Variants in DACT3 observed in about 807,000 individuals in gnomAD.
The protein encoded by DACT3 is dishevelled binding antagonist of beta catenin 3.
DACT3 carries 5 observed loss-of-function variants against 19.6 expected under a neutral mutation model. The observed-to-expected ratio is 0.26, with a 90% CI of 0.13 to 0.54. The LOEUF (loss-of-function observed/expected upper bound fraction) is 0.54. Among genes scored for constraint, DACT3 ranks in the 20% least tolerant of loss-of-function variants. The pLI is 0.95. For synonymous variants in DACT3, 454 were observed against 428.1 expected (o/e 1.06, Z -0.75); for missense variants, 908 against 927.4 (o/e 0.98, Z 0.27).
rs977579591 is a variant in DACT3, at chr19:46,648,204, T to A, written c.*278A>T. On this transcript the variant is annotated 3_prime_UTR_variant, in exon 4 of 4. Coordinates refer to ENST00000391916, the MANE Select transcript of DACT3 (RefSeq NM_145056.3). This position sits in a 1 kb window ranked among gnomAD's most constrained non-coding sequence, Gnocchi z 5.1. The stretch of plus-strand genomic sequence containing the variant: ...CCCTTTTGCATACATGGACACTTAC[T>A]GTACAGATGAGGAAAGTGACGCCCA... 1.9e-6 allele frequency: 1 copy of A among 512,954 alleles called. No individual in the cohort carries two copies. The highest frequency in any genetic ancestry group is 3.5e-6 in the Non-Finnish European group (1 of 286,278). The allele number at this position is 512,954 out of a possible 1,614,324, so 31.8% of individuals were successfully genotyped here.
chr19:46,649,698 G>T lies in DACT3; in HGVS notation c.674C>A (p.Ala225Glu), dbSNP rs2052962605. The change falls in exon 4 of 4, where the codon GCG (alanine) becomes GAG (glutamate). Residue 225 changes from alanine to glutamate, a missense_variant. Ala to Glu is a moderately radical substitution (Grantham distance 107, BLOSUM62 -1). Around this residue, in one of 2 missense-constraint regions of DACT3, gnomAD observed 252 missense variants for 325.6 expected, o/e 0.77. Coordinates refer to ENST00000391916, the MANE Select transcript of DACT3 (RefSeq NM_145056.3). ...FLTPSPLHAV[A>E]MRSPRPCGRP... ...GCCGCAGGGCCGCGGGCTGCGCATC[G>T]CCACGGCGTGCAGGGGGCTGGGCGT... 37 of 1,197,848 alleles carry T rather than the reference G, an allele frequency of 3.1e-5. No homozygotes were observed. Among genetic ancestry groups the T allele is most frequent in the Non-Finnish European group, 3.8e-5 (37 of 967,242 alleles). The allele number at this position is 1,197,848 out of a possible 1,614,324, so 74.2% of individuals were successfully genotyped here.
intron 1 of DACT3, chr19:46,659,135 C>T: frequency 1.0e-6 from 1 of 985,184 alleles, no homozygotes; most frequent in Non-Finnish European, 1.2e-6. Flanking sequence ...CAGGAACCCC[C>T]AGCACTAGAG....
chr19:46,657,891 A>C (rs1422269045), intron 1 of DACT3, among the ~76,000 whole-genome samples: 1 of 152,028 alleles, frequency 6.6e-6, no homozygotes, highest in Non-Finnish European at 1.5e-5. Flanking sequence ...ATCTCTACTA[A>C]AAATACAAAA....
At chr19:46,654,461 A>G in intron 1 of DACT3, 4 of 877,506 alleles carry the variant, frequency 4.6e-6, no homozygotes, top group Non-Finnish European at 5.5e-6. Context: ...ACTCCAGCCT[A>G]AGCAACACAG....
At chr19:46,653,833 C>T (rs945394383) in intron 1 of DACT3, among the ~76,000 whole-genome samples, 1 of 152,146 alleles carries the variant, frequency 6.6e-6, no homozygotes, top group Admixed American at 6.5e-5. Flanking sequence ...GGATTACAGG[C>T]ATGAGCCACT....
chr19:46,659,429 T>C (rs1352821435), intron 1 of DACT3: 1 of 983,114 alleles, frequency 1.0e-6, no homozygotes, highest in Non-Finnish European at 1.2e-6. Flanking sequence ...CCCAACCTCA[T>C]GCCTCGCATT....
intron 3 of DACT3, chr19:46,651,091 A>T (rs569014013): frequency 2.2e-4 from 33 of 148,700 alleles, no homozygotes; most frequent in African/African-American, 8.0e-4. Flanking sequence ...TTATTTATTT[A>T]TTTATTTTTT....
chr19:46,648,760 C>T lies in DACT3; in HGVS notation c.1612G>A (p.Ala538Thr). The change falls in exon 4 of 4, where the codon GCG (alanine) becomes ACG (threonine). Residue 538 changes from alanine (A) to threonine (T), a missense_variant. Coordinates refer to ENST00000391916, the MANE Select transcript of DACT3 (RefSeq NM_145056.3). This position sits in a 1 kb window ranked among gnomAD's most constrained non-coding sequence, Gnocchi z 5.1. ...RLGPLGRRGP[A>T]GGVGGGYGES... ...CCGTAACCCCCGCCGACGCCTCCCG[C>T]AGGCCCCCGGCGTCCCAGGGGCCCC... The T allele has an allele frequency of 6.4e-7, 1 of 1,567,708 alleles. No individual in the cohort carries two copies. Among genetic ancestry groups the T allele is most frequent in the Non-Finnish European group, 8.6e-7 (1 of 1,163,298 alleles).
At chr19:46,655,946 TAC>T (rs1568698971) in intron 1 of DACT3, among the ~76,000 whole-genome samples, 1 of 138,264 alleles carries the variant, frequency 7.2e-6, no homozygotes, top group South Asian at 2.3e-4. Context: ...TATATATATA[TAC>T]ACAAACACAC....
In DACT3 at chr19:46,649,550, G is replaced by A. The variant is rs1324489494; in HGVS notation, c.822C>T (p.Gly274=). 1 of 1,044,858 alleles carries A rather than the reference G, an allele frequency of 9.6e-7. No homozygotes were observed. Among genetic ancestry groups the A allele is most frequent in the Non-Finnish European group, 1.1e-6 (1 of 871,356 alleles). 64.7% of individuals were successfully genotyped at this position (1,044,858 alleles called of 1,614,324 possible). A position where few individuals can be genotyped will look rare whatever the true frequency, so the allele number is the denominator to read the frequency against. Residue 274 remains glycine (G), a synonymous_variant, in exon 4 of 4, where the codon GGC becomes GGT. Coordinates refer to ENST00000391916, the MANE Select transcript of DACT3 (RefSeq NM_145056.3). Reference sequence around the variant, plus strand: ...TCTGGCGCCGCGGGCCGCCGTCCGCGCCCCCGGGACTGGTCCGGGGCTGGC... The same window carrying A: ...TCTGGCGCCGCGGGCCGCCGTCCGCACCCCCGGGACTGGTCCGGGGCTGGC... ...GAGQPRTSPG[G]ADGGPRRQNS... is the part of the protein sequence containing the mutation.
Position 46,649,192 on chromosome 19 carries a change from G to A in DACT3, c.1180C>T (p.Arg394Trp), listed in dbSNP as rs2052952745. The A allele has an allele frequency of 2.5e-6, 3 of 1,205,822 alleles. No individual in the cohort carries two copies. The highest frequency in any genetic ancestry group is 4.5e-5 in the Admixed American group (1 of 22,054). The allele number at this position is 1,205,822 out of a possible 1,614,324, so 74.7% of individuals were successfully genotyped here. A position where few individuals can be genotyped will look rare whatever the true frequency, so the allele number is the denominator to read the frequency against. ...CGGCCGGCGGCCCGGGGACGCTCCCGGGGTGGTGACTGCTCCACGCTGCGG... is the reference window on the plus strand; with the variant it reads ...CGGCCGGCGGCCCGGGGACGCTCCCAGGGTGGTGACTGCTCCACGCTGCGG... ...RGRSVEQSPPRERPRAAGRRG... is the reference protein window; with the variant it reads ...RGRSVEQSPPWERPRAAGRRG... Residue 394 changes from arginine to tryptophan, a missense_variant, in exon 4 of 4, where the codon CGG (arginine) becomes TGG (tryptophan). This residue lies in a region of DACT3 where 656 missense variants were observed against 601.8 expected (regional missense o/e 1.09). Coordinates refer to ENST00000391916, the MANE Select transcript of DACT3 (RefSeq NM_145056.3).
chr19:46,660,722 C>T lies in DACT3; in HGVS notation c.249+94G>A. ...TGTCCTTTCTCACTCCCTGCCTACC[C>T]GGGTCCCCAACCCCCGCCCGGTGTC... On this transcript the variant is annotated intron_variant, in intron 1 of 3. Coordinates refer to ENST00000391916, the MANE Select transcript of DACT3 (RefSeq NM_145056.3). The surrounding 1 kb of genome is among the most constrained non-coding windows in gnomAD (Gnocchi z 4.9). The T allele has an allele frequency of 1.4e-6, 2 of 1,400,130 alleles. No individual in the cohort carries two copies. Among genetic ancestry groups the T allele is most frequent in the Non-Finnish European group, 1.8e-6 (2 of 1,082,292 alleles). 86.7% of individuals were successfully genotyped at this position (1,400,130 alleles called of 1,614,324 possible).
At chr19:46,653,885 C>T (rs943715945) in intron 1 of DACT3, among the ~76,000 whole-genome samples, 4 of 152,110 alleles carry the variant, frequency 2.6e-5, no homozygotes, top group African/African-American at 9.7e-5. Context: ...TTCTCAGATA[C>T]GCCCATTGCC....
At chr19:46,654,041 C>T in intron 1 of DACT3, 2 of 985,402 alleles carry the variant, frequency 2.0e-6, no homozygotes, top group Non-Finnish European at 2.4e-6. Context: ...TCCCAAGCCT[C>T]CTAGACAGTC....
In DACT3 at chr19:46,649,712, G is replaced by A. The variant is rs376042433; in HGVS notation, c.660C>T (p.Pro220=). 564 of 1,216,840 alleles carry A rather than the reference G, an allele frequency of 4.6e-4. 15 individuals carry two copies. In the South Asian group the frequency reaches 0.018, roughly 38 times the overall value. The allele number at this position is 1,216,840 out of a possible 1,614,324, so 75.4% of individuals were successfully genotyped here. A position where few individuals can be genotyped will look rare whatever the true frequency, so the allele number is the denominator to read the frequency against. ...ARAGPFLTPS[P]LHAVAMRSPR... ...GGCTGCGCATCGCCACGGCGTGCAG[G>A]GGGCTGGGCGTCAGAAAGGGCCCGG... Residue 220 remains proline, a synonymous_variant, in exon 4 of 4, where the codon CCC becomes CCT. Transcript: ENST00000391916.
In DACT3 at chr19:46,649,704, G is replaced by A; in HGVS notation, c.668C>T (p.Ala223Val). 2 of 1,203,194 alleles carry A rather than the reference G, an allele frequency of 1.7e-6. No individual in the cohort carries two copies. The highest frequency in any genetic ancestry group is 7.9e-5 in the South Asian group (2 of 25,288). 74.5% of individuals were successfully genotyped at this position (1,203,194 alleles called of 1,614,324 possible). A position where few individuals can be genotyped will look rare whatever the true frequency, so the allele number is the denominator to read the frequency against. Residue 223 changes from alanine (A) to valine (V), a missense_variant, in exon 4 of 4, where the codon GCC (alanine) becomes GTC (valine). Physicochemically the swap from Ala to Val is moderately conservative, Grantham distance 64. Around this residue, in one of 2 missense-constraint regions of DACT3, gnomAD observed 252 missense variants for 325.6 expected, o/e 0.77. Coordinates refer to ENST00000391916, the MANE Select transcript of DACT3 (RefSeq NM_145056.3). Reference sequence around the variant, plus strand: ...GGGCCGCGGGCTGCGCATCGCCACGGCGTGCAGGGGGCTGGGCGTCAGAAA... The same window carrying A: ...GGGCCGCGGGCTGCGCATCGCCACGACGTGCAGGGGGCTGGGCGTCAGAAA... ...GPFLTPSPLH[A>V]VAMRSPRPCG...
rs375074031 is a variant in DACT3, at chr19:46,649,888, C to CA, written c.500-17dup. 4.6e-3 allele frequency: 5,782 copies of CA among 1,252,548 alleles called. 2 individuals are homozygous for CA. The highest frequency in any genetic ancestry group is 0.011 in the East Asian group (315 of 29,204). 77.6% of individuals were successfully genotyped at this position (1,252,548 alleles called of 1,614,324 possible). ...CTGGCGTCTCCTAGGGAAGGAAGGC[C>CA]AAAAAAAAAAAAAAAAGAGAGAGTG... On this transcript the variant is annotated splice_polypyrimidine_tract_variant and intron_variant, in intron 3 of 3. Transcript: ENST00000391916.
chr19:46,648,862 G>A lies in DACT3; in HGVS notation c.1510C>T (p.Pro504Ser). 3 of 1,427,202 alleles carry A rather than the reference G, an allele frequency of 2.1e-6. No individual in the cohort carries two copies. Among genetic ancestry groups the A allele is most frequent in the Non-Finnish European group, 2.7e-6 (3 of 1,101,952 alleles). 88.4% of individuals were successfully genotyped at this position (1,427,202 alleles called of 1,614,324 possible). Residue 504 changes from proline (P) to serine (S), a missense_variant, in exon 4 of 4, where the codon CCG becomes TCG. By Grantham distance (74) the Pro-to-Ser change is moderately conservative (BLOSUM62 -1). Transcript: ENST00000391916. The surrounding 1 kb of genome is among the most constrained non-coding windows in gnomAD (Gnocchi z 5.1). ...CGACGCTGGGGAGCTGACGGGGACG[G>A]GCCGGGGCCGGGAACACGCGCCGCA... is the stretch of plus-strand genomic sequence containing the variant. ...APAARVPGPGPSPSAPQRRLL... is the reference protein window; with the variant it reads ...APAARVPGPGSSPSAPQRRLL...
Position 46,648,925 on chromosome 19 carries a change from C to A in DACT3, c.1447G>T (p.Asp483Tyr). The change falls in exon 4 of 4, where the codon GAC (aspartate) becomes TAC (tyrosine). Residue 483 changes from aspartate (D) to tyrosine (Y), a missense_variant. Physicochemically the swap from Asp to Tyr is radical, Grantham distance 160. Coordinates refer to ENST00000391916, the MANE Select transcript of DACT3 (RefSeq NM_145056.3). This position sits in a 1 kb window ranked among gnomAD's most constrained non-coding sequence, Gnocchi z 5.1. ...CRRWRSTAEIDAADGRRVRPR... is the reference protein window; with the variant it reads ...CRRWRSTAEIYAADGRRVRPR... Reference sequence around the variant, plus strand: ...CGCACGCGGCGCCCATCGGCAGCGTCGATCTCCGCAGTGGAGCGCCAGCGA... The same window carrying A: ...CGCACGCGGCGCCCATCGGCAGCGTAGATCTCCGCAGTGGAGCGCCAGCGA... 1.1e-5 allele frequency: 15 copies of A among 1,359,252 alleles called. No homozygotes were observed. Among genetic ancestry groups the A allele is most frequent in the Non-Finnish European group, 1.4e-5 (15 of 1,062,794 alleles). 84.2% of individuals were successfully genotyped at this position (1,359,252 alleles called of 1,614,324 possible). A position where few individuals can be genotyped will look rare whatever the true frequency, so the allele number is the denominator to read the frequency against.
Sources: allele counts gnomAD v4.1 joint callset (sites outside exome capture counted in the v4.1 genomes callset), GRCh38; gene constraint gnomAD v4.1.1; regional missense constraint gnomAD v4.1.1; non-coding constraint Gnocchi (gnomAD v3.1); transcripts MANE v1.5; gene names NCBI Gene and HGNC (gene_info 2026-07-23, HGNC 2026-07-21).